The following MAF variants were observed in gnomAD, a reference collection of about 807,000 sequenced individuals.
MAF encodes MAF bZIP transcription factor.
MAF carries 10 observed loss-of-function variants against 22.0 expected under a neutral mutation model. The observed-to-expected ratio is 0.45, with a 90% CI of 0.28 to 0.77. The LOEUF (loss-of-function observed/expected upper bound fraction) is 0.77. Ranked by LOEUF, MAF falls within the 30% of genes least tolerant of loss-of-function variation. MAF has a pLI of 0.12. For missense variants in MAF, 544 were observed against 548.4 expected, an observed-to-expected ratio of 0.99 and a Z score of 0.08; for synonymous variants, 337 against 255.8, an observed-to-expected ratio of 1.32 and a Z score of -3.03.
At chr16:79,491,116 G>A in the MAF span, among the ~76,000 whole-genome samples, 1 of 152,168 alleles carries the variant, frequency 6.6e-6, no homozygotes, top group African/African-American at 2.4e-5. Context: ...TAAGCAGTTC[G>A]AGATAGGATG....
At chr16:79,431,676 G>T in the MAF span, among the ~76,000 whole-genome samples, 2 of 152,070 alleles carry the variant, frequency 1.3e-5, no homozygotes, top group Non-Finnish European at 2.9e-5. Context: ...TGTGTTTTCC[G>T]ACTCAAAGGC....
chr16:79,272,093 G>C, the MAF span, among the ~76,000 whole-genome samples: 19 of 152,140 alleles, frequency 1.2e-4, no homozygotes, highest in African/African-American at 3.6e-4. Flanking sequence ...ATGTCAATGG[G>C]GGTAAAAGAA....
chr16:79,211,404 A>G, the MAF span, among the ~76,000 whole-genome samples: 82 of 152,232 alleles, frequency 5.4e-4, no homozygotes, highest in African/African-American at 1.9e-3. Flanking sequence ...TTACAAGCGG[A>G]GTTTATGAAC....
chr16:79,488,086 T>G, the MAF span, among the ~76,000 whole-genome samples: 1 of 152,190 alleles, frequency 6.6e-6, no homozygotes, highest in Admixed American at 6.5e-5. Flanking sequence ...AATCTGTCCC[T>G]GGAGACCTGG....
chr16:79,455,045 G>A, the MAF span, among the ~76,000 whole-genome samples: 66 of 151,172 alleles, frequency 4.4e-4, no homozygotes, highest in African/African-American at 1.6e-3. Flanking sequence ...GCTGTGAGCC[G>A]AGATCGCACC....
the MAF span, among the ~76,000 whole-genome samples, chr16:79,256,641 A>T: frequency 1.3e-5 from 2 of 152,162 alleles, no homozygotes; most frequent in Admixed American, 6.5e-5. Flanking sequence ...GGACTAGCAA[A>T]GCCAGGTCTC....
At chr16:79,435,745 G>A in the MAF span, among the ~76,000 whole-genome samples, 3 of 152,176 alleles carry the variant, frequency 2.0e-5, no homozygotes, top group Non-Finnish European at 4.4e-5. Flanking sequence ...AGTTCACGCC[G>A]AGATGTGCAT....
the MAF span, among the ~76,000 whole-genome samples, chr16:79,348,825 C>T: frequency 1.3e-5 from 2 of 152,200 alleles, no homozygotes; most frequent in Admixed American, 1.3e-4. Flanking sequence ...TGAGTCAGGG[C>T]AGATATTCTG....
chr16:79,592,973 G>T (rs1042905418), downstream of MAF, among the ~76,000 whole-genome samples: 4 of 152,196 alleles, frequency 2.6e-5, no homozygotes, highest in Non-Finnish European at 5.9e-5. Flanking sequence ...GAGCTTGGTT[G>T]TGTGTTTTAC....
the MAF span, among the ~76,000 whole-genome samples, chr16:79,357,701 G>T: frequency 6.6e-6 from 1 of 152,078 alleles, no homozygotes; most frequent in African/African-American, 2.4e-5. Context: ...TGCTTGGACT[G>T]GTTACTAGAT....
At chr16:79,406,643 A>T in the MAF span, among the ~76,000 whole-genome samples, 21,474 of 152,058 alleles carry the variant, frequency 0.14, 1,716 homozygotes, top group South Asian at 0.26. Context: ...ACATTGGGGG[A>T]TAGGATTTCA....
At chr16:79,375,578 G>A in the MAF span, among the ~76,000 whole-genome samples, 3 of 152,078 alleles carry the variant, frequency 2.0e-5, no homozygotes, top group African/African-American at 7.2e-5. Flanking sequence ...TGAAGATGAT[G>A]ATGATATATT....
At chr16:79,235,334 C>G in the MAF span, among the ~76,000 whole-genome samples, 1 of 151,990 alleles carries the variant, frequency 6.6e-6, no homozygotes, top group East Asian at 1.9e-4. Flanking sequence ...GGGAAGATCA[C>G]TTGAAGCCAG....
chr16:79,472,927 C>T, the MAF span, among the ~76,000 whole-genome samples: 2 of 151,864 alleles, frequency 1.3e-5, no homozygotes, highest in South Asian at 2.1e-4. Flanking sequence ...GGGTGTGTAC[C>T]GAGGCCCGGT....
At chr16:79,325,071 G>A in the MAF span, among the ~76,000 whole-genome samples, 5 of 151,990 alleles carry the variant, frequency 3.3e-5, no homozygotes, top group African/African-American at 7.3e-5. Context: ...TGGAATTAGA[G>A]CCTAACCCAA....
chr16:79,395,149 C>T, the MAF span, among the ~76,000 whole-genome samples: 11 of 152,136 alleles, frequency 7.2e-5, no homozygotes, highest in African/African-American at 1.4e-4. Context: ...GAGGCCAAAG[C>T]GGTGGGCACT....
chr16:79,331,027 C>G, the MAF span, among the ~76,000 whole-genome samples: 1 of 152,194 alleles, frequency 6.6e-6, no homozygotes, highest in Non-Finnish European at 1.5e-5. Flanking sequence ...AAAAATGAAC[C>G]TCTGGGCTCA....
At chr16:79,332,908 G>A in the MAF span, among the ~76,000 whole-genome samples, 15 of 152,272 alleles carry the variant, frequency 9.9e-5, no homozygotes, top group African/African-American at 3.4e-4. Flanking sequence ...CTCCAAGCTG[G>A]GATTCACAGC....
chr16:79,415,177 C>T, the MAF span, among the ~76,000 whole-genome samples: 3 of 151,296 alleles, frequency 2.0e-5, no homozygotes, highest in Non-Finnish European at 2.9e-5. Flanking sequence ...GAGAGCTACA[C>T]GGGCAGGACT....
Sources: gnomAD v4.1 joint callset for allele counts (sites outside exome capture counted in the v4.1 genomes callset) on GRCh38, gnomAD v4.1.1 for gene constraint, MANE v1.5 for transcripts, NCBI Gene and HGNC (gene_info 2026-07-23, HGNC 2026-07-21) for gene names.